FHIT: variants seen among roughly 807,000 people sequenced by gnomAD.
The protein encoded by FHIT is bis(5'-adenosyl)-triphosphatase.
Under a neutral mutation model 17.9 loss-of-function variants are expected in FHIT, and 19 were observed. The ratio of observed to expected loss-of-function variants is 1.06; its 90% CI spans 0.74 to 1.56. The LOEUF is 1.56. Ranked by LOEUF, FHIT falls within the 40% of genes most tolerant of loss-of-function variation. The probability of loss-of-function intolerance (pLI) is 0.00; values close to 1 mark genes in which losing one functional copy is unlikely to be tolerated. For synonymous variants in FHIT, 81 were observed against 69.7 expected, an observed-to-expected ratio of 1.16 and a Z score of -0.81; for missense variants, 248 against 189.2, an observed-to-expected ratio of 1.31 and a Z score of -1.82.
intron 3 of FHIT, among the ~76,000 whole-genome samples, chr3:60,830,448 T>C (rs75517035): frequency 2.0e-5 from 3 of 152,240 alleles, no homozygotes; most frequent in Non-Finnish European, 2.9e-5. Context: ...TAAGGTACCA[T>C]TAGAGATTTC....
intron 3 of FHIT, among the ~76,000 whole-genome samples, chr3:60,901,282 TG>T (rs1435013439): frequency 2.0e-5 from 3 of 152,220 alleles, no homozygotes; most frequent in African/African-American, 7.2e-5. Context: ...TTAAACTATT[TG>T]TCTTGATCAC....
intron 1 of FHIT, among the ~76,000 whole-genome samples, chr3:61,230,341 G>A (rs2040068899): frequency 6.6e-6 from 1 of 152,068 alleles, no homozygotes; most frequent in Non-Finnish European, 1.5e-5. Flanking sequence ...GTGCAAAGGT[G>A]TATGGCACCT....
intron 3 of FHIT, among the ~76,000 whole-genome samples, chr3:60,902,664 G>A (rs1459271867): frequency 2.6e-5 from 4 of 152,180 alleles, no homozygotes; most frequent in Non-Finnish European, 5.9e-5. Flanking sequence ...ACCACCACAA[G>A]GGAGCCCCAA....
intron 8 of FHIT, among the ~76,000 whole-genome samples, chr3:59,797,520 C>T (rs1328029741): frequency 6.6e-6 from 1 of 152,146 alleles, no homozygotes; most frequent in Non-Finnish European, 1.5e-5. Context: ...TAGGCAAATA[C>T]ATCTAATGAA....
chr3:60,701,663 G>C (rs1441813196), intron 4 of FHIT, among the ~76,000 whole-genome samples: 1 of 152,126 alleles, frequency 6.6e-6, no homozygotes, highest in Non-Finnish European at 1.5e-5. Flanking sequence ...ACTGATCTTA[G>C]GTTTTCCAAT....
intron 7 of FHIT, among the ~76,000 whole-genome samples, chr3:59,978,611 T>G (rs561706664): frequency 4.4e-4 from 67 of 151,572 alleles, no homozygotes; most frequent in Non-Finnish European, 4.1e-4. Flanking sequence ...AGTAGAAGTT[T>G]AGAAACAACG....
intron 5 of FHIT, among the ~76,000 whole-genome samples, chr3:60,188,105 C>T (rs1026158735): frequency 1.3e-5 from 2 of 151,914 alleles, no homozygotes. Flanking sequence ...GGACCATCTA[C>T]ACCTTTTGTC....
chr3:61,007,261 G>A (rs895590921), intron 3 of FHIT, among the ~76,000 whole-genome samples: 17 of 152,128 alleles, frequency 1.1e-4, no homozygotes, highest in Admixed American at 1.1e-3. Context: ...CCTGTCATTC[G>A]ATGGAACAAG....
chr3:60,288,650 T>C (rs899394395), intron 5 of FHIT, among the ~76,000 whole-genome samples: 1 of 151,844 alleles, frequency 6.6e-6, no homozygotes, highest in African/African-American at 2.4e-5. Context: ...TGGGTCCATT[T>C]GGCCACCTGA....
At chr3:59,839,132 C>A (rs996522543) in intron 8 of FHIT, among the ~76,000 whole-genome samples, 1 of 152,010 alleles carries the variant, frequency 6.6e-6, no homozygotes, top group African/African-American at 2.4e-5. Flanking sequence ...GCCTGGCCAA[C>A]ATGGTGAAAC....
At chr3:60,404,426 G>T (rs1387383319) in intron 5 of FHIT, among the ~76,000 whole-genome samples, 1 of 152,144 alleles carries the variant, frequency 6.6e-6, no homozygotes, top group East Asian at 1.9e-4. Flanking sequence ...GTCTCGGGAT[G>T]TGACAGTAGC....
Position 59,747,314 on chromosome 3 carries a change from C to A in FHIT, c.*2271G>T, listed in dbSNP as rs527284186. ...GAATGAGGTTTAATGGACTCGCAATCATGGAGGAAGGCAAAAGAGGAGCAA... is the reference window on the plus strand; with the variant it reads ...GAATGAGGTTTAATGGACTCGCAATAATGGAGGAAGGCAAAAGAGGAGCAA... On this transcript the variant is annotated 3_prime_UTR_variant, in exon 10 of 10. Transcript: ENST00000492590. Among the ~76,000 whole-genome samples, 2 of 152,190 alleles carry A rather than the reference C, an allele frequency of 1.3e-5. No homozygotes were observed. Among genetic ancestry groups the A allele is most frequent in the East Asian group, 3.9e-4 (2 of 5,164 alleles).
intron 3 of FHIT, among the ~76,000 whole-genome samples, chr3:60,922,938 C>A (rs532973622): frequency 6.6e-4 from 101 of 152,310 alleles, no homozygotes; most frequent in African/African-American, 2.4e-3. Flanking sequence ...ATAAGTTAAA[C>A]TTTGAATAAC....
intron 3 of FHIT, among the ~76,000 whole-genome samples, chr3:60,880,308 C>T (rs781915670): frequency 3.3e-5 from 5 of 152,166 alleles, no homozygotes; most frequent in African/African-American, 1.2e-4. Context: ...AGAAATAAAA[C>T]GTTTCTCAGA....
At chr3:61,093,372 C>T (rs1416043734) in intron 2 of FHIT, among the ~76,000 whole-genome samples, 2 of 152,098 alleles carry the variant, frequency 1.3e-5, no homozygotes, top group African/African-American at 2.4e-5. Flanking sequence ...TTGTCAAAAC[C>T]TGGAGGGTAG....
intron 1 of FHIT, among the ~76,000 whole-genome samples, chr3:61,238,476 A>G (rs979676821): frequency 3.3e-5 from 5 of 152,214 alleles, no homozygotes; most frequent in Admixed American, 6.5e-5. Flanking sequence ...TAGAGCTTAC[A>G]GTCCAAAGGG....
At chr3:59,953,288 G>C (rs1260444794) in intron 7 of FHIT, among the ~76,000 whole-genome samples, 1 of 151,828 alleles carries the variant, frequency 6.6e-6, no homozygotes, top group South Asian at 2.1e-4. Context: ...ATGTCTCTCT[G>C]TGTGAGTGTC....
intron 5 of FHIT, among the ~76,000 whole-genome samples, chr3:60,229,001 C>T (rs1050793713): frequency 4.6e-5 from 7 of 152,136 alleles, no homozygotes; most frequent in African/African-American, 1.7e-4. Context: ...CAGAATGGAA[C>T]CTCACACTCT....
intron 4 of FHIT, among the ~76,000 whole-genome samples, chr3:60,622,473 A>T (rs1553679128): frequency 6.6e-6 from 1 of 152,164 alleles, no homozygotes; most frequent in East Asian, 1.9e-4. Flanking sequence ...AAGGGGGAAT[A>T]TATAGTAAAC....
Sources: allele counts gnomAD v4.1 joint callset (sites outside exome capture counted in the v4.1 genomes callset), GRCh38; gene constraint gnomAD v4.1.1; transcripts MANE v1.5; gene names NCBI Gene and HGNC (gene_info 2026-07-23, HGNC 2026-07-21).